Variants in KATNIP observed in about 807,000 individuals in gnomAD.
KATNIP encodes katanin interacting protein.
A neutral mutation model predicts 174.0 loss-of-function variants in KATNIP; 126 were observed. That is an observed-to-expected ratio of 0.72 (90% CI 0.63 to 0.84). The LOEUF is 0.84. Ranked by LOEUF, KATNIP falls within the 40% of genes least tolerant of loss-of-function variation. KATNIP has a pLI of 0.00. For missense variants in KATNIP, 1,958 were observed against 2,109.7 expected (o/e 0.93, Z 1.41); for synonymous variants, 810 against 835.7 (o/e 0.97, Z 0.53).
chr16:27,765,323 C>T (rs1232234083), intron 19 of KATNIP, among the ~76,000 whole-genome samples: 1 of 152,222 alleles, frequency 6.6e-6, no homozygotes, highest in Non-Finnish European at 1.5e-5. Context: ...CAAACACAGG[C>T]CCACTTGAGG....
intron 8 of KATNIP, among the ~76,000 whole-genome samples, chr16:27,692,425 A>G (rs1472401980): frequency 6.6e-6 from 1 of 152,198 alleles, no homozygotes; most frequent in Non-Finnish European, 1.5e-5. Context: ...GCCAGGTGTC[A>G]GGGATACAAC....
chr16:27,663,338 A>G (rs1057280227), intron 6 of KATNIP, among the ~76,000 whole-genome samples: 1 of 151,452 alleles, frequency 6.6e-6, no homozygotes, highest in African/African-American at 2.4e-5. Flanking sequence ...CAATTAGGCT[A>G]TACATTTTCC....
chr16:27,690,363 T>TGATAGATA (rs200443119), intron 8 of KATNIP, among the ~76,000 whole-genome samples: 32 of 91,038 alleles, frequency 3.5e-4, no homozygotes, highest in East Asian at 5.4e-4. Context: ...GATAGATAGA[T>TGATAGATA]GATAGATAGA....
rs116301871 is a variant in KATNIP at position 27,561,922 on chromosome 16, G to A, written c.7+11745G>A. Among the ~76,000 whole-genome samples, 1,415 of 152,314 alleles carry A rather than the reference G, an allele frequency of 9.3e-3. 24 individuals carry two copies. The highest frequency in any genetic ancestry group is 0.033 in the African/African-American group (1,363 of 41,562). On this transcript the variant is annotated intron_variant, in intron 1 of 27. Transcript: ENST00000261588. ...CCAGGTAATGTAAATGACTGTCCTG[G>A]CCAGAGTTTATTTCATTATGCTGCT... is the stretch of plus-strand genomic sequence containing the variant.
chr16:27,608,256 C>T (rs76498721), intron 2 of KATNIP, among the ~76,000 whole-genome samples: 3 of 128,574 alleles, frequency 2.3e-5, no homozygotes, highest in Non-Finnish European at 4.8e-5. Context: ...TTTGAGACAG[C>T]GTCTTGCTCT....
chr16:27,617,700 A>G (rs1200663007), intron 2 of KATNIP, among the ~76,000 whole-genome samples: 1 of 152,108 alleles, frequency 6.6e-6, no homozygotes, highest in African/African-American at 2.4e-5. Flanking sequence ...TTTATAATTA[A>G]CATACATTTC....
In KATNIP at chr16:27,609,539, C is replaced by T. The variant is rs951097898; in HGVS notation, c.64-8886C>T. Among the ~76,000 whole-genome samples the T allele has an allele frequency of 5.3e-5, 8 of 151,524 alleles. No homozygotes were observed. The South Asian group carries it at 6.3e-4, about 12-fold the overall frequency. On this transcript the variant is annotated intron_variant, in intron 2 of 27. Coordinates refer to ENST00000261588, the MANE Select transcript of KATNIP (RefSeq NM_015202.5). Reference sequence around the variant, plus strand: ...CCAAGTAGCTGGGACTACAGGCACCCGCCACCATGCCCGGCTAATTTTTTG... The same window carrying T: ...CCAAGTAGCTGGGACTACAGGCACCTGCCACCATGCCCGGCTAATTTTTTG...
chr16:27,709,168 A>C, intron 13 of KATNIP: 2 of 417,152 alleles, frequency 4.8e-6, no homozygotes, highest in Non-Finnish European at 8.7e-6. Context: ...AAAACACAAA[A>C]AATTAGCCAG....
At chr16:27,551,691 C>T (rs2089376712) in intron 1 of KATNIP, among the ~76,000 whole-genome samples, 1 of 152,100 alleles carries the variant, frequency 6.6e-6, no homozygotes, top group Non-Finnish European at 1.5e-5. Context: ...TCGAGACCAG[C>T]CTGGCCAACA....
chr16:27,620,272 A>G (rs1488557023), intron 3 of KATNIP, among the ~76,000 whole-genome samples: 1 of 152,240 alleles, frequency 6.6e-6, no homozygotes, highest in Non-Finnish European at 1.5e-5. Context: ...AACACCTTCC[A>G]GTGGAGACTT....
At chr16:27,620,703 C>G (rs573692899) in intron 3 of KATNIP, among the ~76,000 whole-genome samples, 4 of 152,044 alleles carry the variant, frequency 2.6e-5, no homozygotes, top group African/African-American at 9.7e-5. Flanking sequence ...AGATGAAAAC[C>G]CAGGCTGCTT....
intron 5 of KATNIP, among the ~76,000 whole-genome samples, chr16:27,643,548 C>T (rs1048008701): frequency 6.9e-6 from 1 of 144,928 alleles, no homozygotes; most frequent in African/African-American, 2.6e-5. Context: ...TCGAGATCAC[C>T]CCGCTGCACT....
rs184257522 is a variant in KATNIP at position 27,707,201 on chromosome 16, C to T, written c.1390-1504C>T. Among the ~76,000 whole-genome samples the T allele has an allele frequency of 7.9e-5, 12 of 152,340 alleles. No individual in the cohort carries two copies. The East Asian group carries it at 2.1e-3, about 27-fold the overall frequency. ...TGCTGTTCATTTGCTTGGCTCCCTGCTCACAGAACCATTGCAGATTACCCA... is the reference window on the plus strand; with the variant it reads ...TGCTGTTCATTTGCTTGGCTCCCTGTTCACAGAACCATTGCAGATTACCCA... On this transcript the variant is annotated intron_variant, in intron 12 of 27. Coordinates refer to ENST00000261588, the MANE Select transcript of KATNIP (RefSeq NM_015202.5).
intron 16 of KATNIP, among the ~76,000 whole-genome samples, chr16:27,750,739 T>A (rs2081482673): frequency 6.9e-6 from 1 of 144,970 alleles, no homozygotes; most frequent in Admixed American, 6.8e-5. Flanking sequence ...GCCCTTTTTT[T>A]TTTTTTTTTT....
At position 27,714,640 on chromosome 16, in the gene KATNIP, T is replaced by C. The variant is rs548494497; in HGVS notation, c.1605+5720T>C. ...TCAAGAATGATAGAGAGAACATTGCTATTGACCTTACAGAAATAAAAAGGA... is the reference window on the plus strand; with the variant it reads ...TCAAGAATGATAGAGAGAACATTGCCATTGACCTTACAGAAATAAAAAGGA... On this transcript the variant is annotated intron_variant, in intron 13 of 27. Transcript: ENST00000261588. Among the ~76,000 whole-genome samples, 13 of 152,288 alleles carry C rather than the reference T, an allele frequency of 8.5e-5. No individual in the cohort carries two copies. In the South Asian group the frequency reaches 2.7e-3, roughly 32 times the overall value.
chr16:27,600,336 T>G (rs2075475572), intron 2 of KATNIP, among the ~76,000 whole-genome samples: 1 of 152,210 alleles, frequency 6.6e-6, no homozygotes. Flanking sequence ...TTGACTGCAG[T>G]ATGTGAGAGT....
intron 7 of KATNIP, among the ~76,000 whole-genome samples, chr16:27,680,589 C>A (rs989533580): frequency 6.6e-6 from 1 of 152,150 alleles, no homozygotes; most frequent in Non-Finnish European, 1.5e-5. Flanking sequence ...TGCAGTGGCA[C>A]TATCATAACT....
chr16:27,629,454 T>C (rs1393645562), intron 4 of KATNIP, among the ~76,000 whole-genome samples: 1 of 152,232 alleles, frequency 6.6e-6, no homozygotes, highest in South Asian at 2.1e-4. Flanking sequence ...ATGTTTTAAC[T>C]TTAGTACCTA....
intron 10 of KATNIP, 57 bp from the exon 11 acceptor site, chr16:27,701,532 G>A: frequency 1.5e-6 from 2 of 1,376,950 alleles, no homozygotes; most frequent in South Asian, 2.5e-5. Flanking sequence ...ACCCTGCTGT[G>A]TCTTAGGCCA....
Sources: gnomAD v4.1 joint callset for allele counts (sites outside exome capture counted in the v4.1 genomes callset) on GRCh38, gnomAD v4.1.1 for gene constraint, MANE v1.5 for transcripts, NCBI Gene and HGNC (gene_info 2026-07-23, HGNC 2026-07-21) for gene names.